The following AKAP19 variants were observed in gnomAD, a reference collection of about 807,000 sequenced individuals.
AKAP19 encodes the protein A-kinase anchoring protein 19.
the AKAP19 span, among the ~76,000 whole-genome samples, chr2:189,992,816 C>A: frequency 6.6e-6 from 1 of 151,922 alleles, no homozygotes; most frequent in East Asian, 1.9e-4. Context: ...GATTCTCAGC[C>A]TTGTTGTTGG....
At chr2:190,060,913 C>T in the AKAP19 span, among the ~76,000 whole-genome samples, 1 of 151,914 alleles carries the variant, frequency 6.6e-6, no homozygotes, top group Non-Finnish European at 1.5e-5. Context: ...TACTGAGCCT[C>T]AGGAATTAGT....
the AKAP19 span, among the ~76,000 whole-genome samples, chr2:189,974,514 G>A: frequency 6.6e-6 from 1 of 152,188 alleles, no homozygotes; most frequent in Admixed American, 6.5e-5. Flanking sequence ...GCAGAGCTAT[G>A]TTCAATTCCT....
At chr2:190,020,557 AT>A in the AKAP19 span, among the ~76,000 whole-genome samples, 1 of 152,218 alleles carries the variant, frequency 6.6e-6, no homozygotes, top group Non-Finnish European at 1.5e-5. Context: ...GAGATATCAC[AT>A]TTGTCACTTA....
chr2:190,067,404 T>C, the AKAP19 span, among the ~76,000 whole-genome samples: 1 of 152,214 alleles, frequency 6.6e-6, no homozygotes, highest in Non-Finnish European at 1.5e-5. Flanking sequence ...CTACTTCAAT[T>C]GAATACTTCC....
chr2:189,899,549 GA>G, the AKAP19 span, among the ~76,000 whole-genome samples: 2 of 152,022 alleles, frequency 1.3e-5, no homozygotes, highest in Non-Finnish European at 2.9e-5. Flanking sequence ...TGGTCTCCTT[GA>G]GGATCTTTGT....
the AKAP19 span, among the ~76,000 whole-genome samples, chr2:190,003,549 C>G: frequency 6.6e-6 from 1 of 152,084 alleles, no homozygotes; most frequent in South Asian, 2.1e-4. Context: ...AATAAACTTG[C>G]TTTTTTAAAA....
the AKAP19 span, among the ~76,000 whole-genome samples, chr2:190,097,635 T>A: frequency 6.6e-6 from 1 of 151,574 alleles, no homozygotes; most frequent in African/African-American, 2.4e-5. Context: ...TTACGGAATG[T>A]TCTAAATTCT....
chr2:189,978,776 C>T, the AKAP19 span, among the ~76,000 whole-genome samples: 1 of 151,824 alleles, frequency 6.6e-6, no homozygotes, highest in African/African-American at 2.4e-5. Flanking sequence ...GTAGGATTTC[C>T]ATACATCAAT....
chr2:189,955,014 G>A, the AKAP19 span, among the ~76,000 whole-genome samples: 2 of 152,106 alleles, frequency 1.3e-5, no homozygotes, highest in African/African-American at 4.8e-5. Flanking sequence ...TTGCATAGTG[G>A]TGAATGCTGG....
chr2:190,086,692 G>C, the AKAP19 span, among the ~76,000 whole-genome samples: 1 of 152,272 alleles, frequency 6.6e-6, no homozygotes, highest in East Asian at 1.9e-4. Context: ...GCTTGGCTTG[G>C]TTTGCTCTAA....
the AKAP19 span, among the ~76,000 whole-genome samples, chr2:190,091,547 A>AACACACACACACACACAC: frequency 0.084 from 12,604 of 150,388 alleles, 797 homozygotes; most frequent in African/African-American, 0.16. Flanking sequence ...TCTTTTGTTA[A>AACACACACACACACACAC]ACACACACAC....
chr2:189,972,757 G>C, the AKAP19 span, among the ~76,000 whole-genome samples: 1 of 152,144 alleles, frequency 6.6e-6, no homozygotes, highest in African/African-American at 2.4e-5. Context: ...GTGAATGGGA[G>C]TTCACTCGTG....
the AKAP19 span, among the ~76,000 whole-genome samples, chr2:190,051,932 G>A: frequency 1.3e-5 from 2 of 151,818 alleles, no homozygotes; most frequent in Non-Finnish European, 2.9e-5. Flanking sequence ...CCACCTCCCG[G>A]GTTCACGCCA....
the AKAP19 span, among the ~76,000 whole-genome samples, chr2:189,981,958 G>A: frequency 6.6e-6 from 1 of 152,090 alleles, no homozygotes; most frequent in Non-Finnish European, 1.5e-5. Context: ...ATTGACCTTG[G>A]ATACTCTGAT....
the AKAP19 span, among the ~76,000 whole-genome samples, chr2:189,940,031 G>A: frequency 6.6e-6 from 1 of 152,124 alleles, no homozygotes; most frequent in African/African-American, 2.4e-5. Flanking sequence ...TGTAATCCCA[G>A]CACTTTGGGA....
chr2:189,956,145 A>G, the AKAP19 span, among the ~76,000 whole-genome samples: 2 of 149,116 alleles, frequency 1.3e-5, no homozygotes, highest in African/African-American at 2.5e-5. Context: ...AAATCTTTGA[A>G]CTTATTTTTA....
At chr2:189,956,429 A>G in the AKAP19 span, among the ~76,000 whole-genome samples, 1 of 151,954 alleles carries the variant, frequency 6.6e-6, no homozygotes, top group South Asian at 2.1e-4. Flanking sequence ...TCGGCCTCCC[A>G]AAGTGCTGGG....
chr2:190,129,225 G>C, the AKAP19 span, among the ~76,000 whole-genome samples: 1 of 152,020 alleles, frequency 6.6e-6, no homozygotes, highest in African/African-American at 2.4e-5. Flanking sequence ...TGGATGTCTG[G>C]ATTATGTCTA....
the AKAP19 span, chr2:190,090,840 C>T: frequency 3.9e-5 from 6 of 152,230 alleles, no homozygotes; most frequent in Non-Finnish European, 7.3e-5. Flanking sequence ...AGTACTAATA[C>T]TTAGCGCACT....
Sources: gnomAD v4.1 joint callset for allele counts (sites outside exome capture counted in the v4.1 genomes callset) on GRCh38, gnomAD v4.1.1 for gene constraint, MANE v1.5 for transcripts, NCBI Gene and HGNC (gene_info 2026-07-23, HGNC 2026-07-21) for gene names.